The following RBFOX1 variants were observed in gnomAD, a reference collection of about 807,000 sequenced individuals.
RBFOX1 encodes the protein RNA binding protein fox-1 homolog 1.
In RBFOX1, 8 loss-of-function variants were observed where a neutral mutation model predicts 57.7. The observed-to-expected ratio is 0.14, with a 90% confidence interval of 0.08 to 0.25. RBFOX1 has a LOEUF of 0.25. Ranked by LOEUF, RBFOX1 falls within the 10% of genes least tolerant of loss-of-function variation. RBFOX1 has a pLI of 1.00. For missense variants in RBFOX1, 611 were observed against 548.5 expected (o/e 1.11, Z -1.14); for synonymous variants, 326 against 222.4 (o/e 1.47, Z -4.15).
intron 4 of RBFOX1, among the ~76,000 whole-genome samples, chr16:7,241,990 G>A (rs2094088942): frequency 6.6e-6 from 1 of 152,064 alleles, no homozygotes. Flanking sequence ...TGGCCCTCTT[G>A]ATACTTTGGA....
chr16:5,778,597 TCTGC>T (rs1298560474), intron 3 of RBFOX1, among the ~76,000 whole-genome samples: 2 of 152,206 alleles, frequency 1.3e-5, no homozygotes, highest in Non-Finnish European at 2.9e-5. Flanking sequence ...GCGTGCTGTG[TCTGC>T]CTCTCCCCTG....
chr16:7,195,048 C>CAA (rs139842386), intron 4 of RBFOX1, among the ~76,000 whole-genome samples: 1 of 151,592 alleles, frequency 6.6e-6, no homozygotes, highest in Non-Finnish European at 1.5e-5. Flanking sequence ...CTAATTCTAG[C>CAA]AACAAAACTT....
At chr16:5,663,518 G>A (rs772321098) in intron 3 of RBFOX1, among the ~76,000 whole-genome samples, 19 of 152,050 alleles carry the variant, frequency 1.2e-4, no homozygotes, top group Admixed American at 3.9e-4. Flanking sequence ...AAATCCTATT[G>A]AATAGCCAAT....
intron 4 of RBFOX1, among the ~76,000 whole-genome samples, chr16:7,355,022 G>C (rs1401210392): frequency 6.6e-6 from 1 of 152,120 alleles, no homozygotes; most frequent in African/African-American, 2.4e-5. Context: ...GTTTGTACTT[G>C]CCCTGTACCA....
At chr16:7,338,740 C>T (rs1298501430) in intron 4 of RBFOX1, among the ~76,000 whole-genome samples, 2 of 152,154 alleles carry the variant, frequency 1.3e-5, no homozygotes, top group African/African-American at 2.4e-5. Context: ...TAACAATGGA[C>T]AGAGAGTAAC....
intron 3 of RBFOX1, among the ~76,000 whole-genome samples, chr16:5,634,544 T>C (rs2048622307): frequency 6.6e-6 from 1 of 152,194 alleles, no homozygotes; most frequent in South Asian, 2.1e-4. Flanking sequence ...AGGATACATA[T>C]CTATCCCTTC....
At chr16:5,540,758 A>G (rs1385999098) in intron 2 of RBFOX1, among the ~76,000 whole-genome samples, 1 of 152,240 alleles carries the variant, frequency 6.6e-6, no homozygotes, top group Non-Finnish European at 1.5e-5. Context: ...TCTGTGGACT[A>G]GCAGCGTCAG....
chr16:6,736,699 G>A (rs1012758358), intron 3 of RBFOX1, among the ~76,000 whole-genome samples: 51 of 152,270 alleles, frequency 3.3e-4, no homozygotes, highest in African/African-American at 1.2e-3. Flanking sequence ...TGGATCAAAT[G>A]GTAGTTCTAC....
At chr16:5,812,365 T>G (rs756432832) in intron 3 of RBFOX1, among the ~76,000 whole-genome samples, 2 of 152,220 alleles carry the variant, frequency 1.3e-5, no homozygotes, top group Non-Finnish European at 2.9e-5. Flanking sequence ...CCAAACTGTT[T>G]TCCAGAGTGG....
At chr16:6,485,562 C>A (rs2095460519) in intron 2 of RBFOX1, among the ~76,000 whole-genome samples, 1 of 152,148 alleles carries the variant, frequency 6.6e-6, no homozygotes, top group Admixed American at 6.5e-5. Flanking sequence ...TTCAGGAATT[C>A]TCCGCTCACC....
rs145537804 is a variant in RBFOX1, at chr16:7,267,880, A to C, written c.27+215782A>C. On this transcript the variant is annotated intron_variant, in intron 4 of 15. Transcript: ENST00000550418. Reference sequence around the variant, plus strand: ...CAAAAATTAATTAATTAAACCTTCAATGAGGAGGTTTTGTTGAGTCAGAAG... The same window carrying C: ...CAAAAATTAATTAATTAAACCTTCACTGAGGAGGTTTTGTTGAGTCAGAAG... Among the ~76,000 whole-genome samples the C allele has an allele frequency of 3.0e-3, 458 of 152,208 alleles. 1 individual carries two copies. Among genetic ancestry groups the C allele is most frequent in the African/African-American group, 0.01 (436 of 41,540 alleles).
At chr16:6,271,657 G>A (rs374933620) in intron 1 of RBFOX1, among the ~76,000 whole-genome samples, 1 of 152,112 alleles carries the variant, frequency 6.6e-6, no homozygotes, top group Non-Finnish European at 1.5e-5. Context: ...GGTAGTAAGG[G>A]AATACCGTAA....
At chr16:6,357,612 G>GCTCTCT (rs146259757) in intron 2 of RBFOX1, among the ~76,000 whole-genome samples, 1 of 150,824 alleles carries the variant, frequency 6.6e-6, no homozygotes, top group African/African-American at 2.4e-5. Flanking sequence ...TCCCGCTTGT[G>GCTCTCT]CTCTCTCTCT....
intron 1 of RBFOX1, among the ~76,000 whole-genome samples, chr16:5,283,835 G>A (rs1156375025): frequency 6.6e-6 from 1 of 152,044 alleles, no homozygotes; most frequent in Non-Finnish European, 1.5e-5. Flanking sequence ...GGACCTCTCA[G>A]TTAATGCTGA....
chr16:7,160,022 C>T (rs911810817), intron 4 of RBFOX1, among the ~76,000 whole-genome samples: 1 of 152,110 alleles, frequency 6.6e-6, no homozygotes, highest in African/African-American at 2.4e-5. Context: ...CATATCTAAG[C>T]ATTATCTGTG....
chr16:7,451,347 T>C (rs2098852623), intron 4 of RBFOX1, among the ~76,000 whole-genome samples: 1 of 152,200 alleles, frequency 6.6e-6, no homozygotes, highest in African/African-American at 2.4e-5. Context: ...TAGTAATTTA[T>C]TTTGATTGAG....
chr16:6,241,720 A>G (rs1329611242), intron 1 of RBFOX1, among the ~76,000 whole-genome samples: 1 of 152,230 alleles, frequency 6.6e-6, no homozygotes, highest in Non-Finnish European at 1.5e-5. Context: ...ATCAACACCA[A>G]TCAAGGAAGC....
intron 4 of RBFOX1, among the ~76,000 whole-genome samples, chr16:7,197,590 A>T (rs1258468707): frequency 6.6e-6 from 1 of 152,216 alleles, no homozygotes. Flanking sequence ...TTGCAGTAAC[A>T]TTGAAAACAA....
intron 3 of RBFOX1, among the ~76,000 whole-genome samples, chr16:6,884,376 C>T (rs1355486878): frequency 2.0e-5 from 3 of 152,122 alleles, no homozygotes; most frequent in African/African-American, 4.8e-5. Flanking sequence ...AGTTGCTCTG[C>T]CCTCAGTCAA....
Sources: allele counts gnomAD v4.1 joint callset (sites outside exome capture counted in the v4.1 genomes callset), GRCh38; gene constraint gnomAD v4.1.1; transcripts MANE v1.5; gene names NCBI Gene and HGNC (gene_info 2026-07-23, HGNC 2026-07-21).